The following SCN7A variants were observed in gnomAD, a reference collection of about 807,000 sequenced individuals.
SCN7A encodes sodium voltage-gated channel alpha subunit 7, also known as sodium channel protein type 7 subunit alpha.
In SCN7A, 138 loss-of-function variants were observed where a neutral mutation model predicts 155.2. The ratio of observed to expected loss-of-function variants is 0.89; its 90% CI spans 0.77 to 1.02. SCN7A has a LOEUF of 1.02. Among genes scored for constraint, SCN7A ranks in the 50% least tolerant of loss-of-function variants. SCN7A has a pLI of 0.00. For missense variants in SCN7A, 2,058 were observed against 1,986.6 expected, an observed-to-expected ratio of 1.04 and a Z score of -0.68; for synonymous variants, 693 against 649.0, an observed-to-expected ratio of 1.07 and a Z score of -1.03.
At chr2:166,414,000 TATAA>T (rs1553513542) in intron 21 of SCN7A, among the ~76,000 whole-genome samples, 3 of 100,158 alleles carry the variant, frequency 3.0e-5, no homozygotes, top group East Asian at 2.5e-4. Context: ...TATATATATA[TATAA>T]ATATACTATA....
In SCN7A at chr2:166,409,767, A is replaced by T; in HGVS notation, c.3880T>A (p.Tyr1294Asn). The T allele has an allele frequency of 6.4e-7, 1 of 1,564,396 alleles. No individual in the cohort carries two copies. The highest frequency in any genetic ancestry group is 1.4e-5 in the African/African-American group (1 of 73,914). ...AGCTTCAGTATACATTCCATAGTAT[A>T]TAGCATAACAAAAATTGAGTTAATC... ...YWINSIFVML[Y>N]TMECILKLIA... Residue 1294 changes from tyrosine to asparagine, a missense_variant, in exon 25 of 26, where the codon TAT (tyrosine) becomes AAT (asparagine). Coordinates refer to ENST00000643258, the MANE Select transcript of SCN7A (RefSeq NM_002976.4).
intron 20 of SCN7A, among the ~76,000 whole-genome samples, chr2:166,420,776 T>G (rs901008715): frequency 1.8e-4 from 27 of 152,136 alleles, no homozygotes; most frequent in African/African-American, 6.5e-4. Flanking sequence ...AAATTCAAAC[T>G]TTTCTTTCAT....
In SCN7A at chr2:166,432,653, C is replaced by T; in HGVS notation, c.2257G>A (p.Ala753Thr). 6.2e-7 allele frequency: 1 copy of T among 1,608,884 alleles called. No individual in the cohort carries two copies. Among genetic ancestry groups the T allele is most frequent in the South Asian group, 1.1e-5 (1 of 89,888 alleles). The change falls in exon 16 of 26, where the codon GCA becomes ACA. Residue 753 changes from alanine (A) to threonine (T), a missense_variant. Physicochemically the swap from Ala to Thr is moderately conservative, Grantham distance 58 (BLOSUM62 0). Transcript: ENST00000643258. Reference protein sequence around the residue: ...NEAKNLQLAVARIKKGINYVL... With the variant: ...NEAKNLQLAVTRIKKGINYVL... ...TAGTTTATTCCTTTTTTAATTCTTG[C>T]CACTGCAAGCTGGAGATTTTTTGCT...
rs1701387228 is a variant in SCN7A, at chr2:166,416,788, C to G, written c.3333G>C (p.Leu1111=). The G allele has an allele frequency of 1.9e-6, 3 of 1,613,300 alleles. No homozygotes were observed. Residue 1111 remains leucine, a synonymous_variant, in exon 21 of 26, where the codon CTG becomes CTC. Transcript: ENST00000643258. ...TTTCCCATAGCATGGATTCGTTAAACAGAAGGCTTTCACACCGACTCTTAT... is the reference window on the plus strand; with the variant it reads ...TTTCCCATAGCATGGATTCGTTAAAGAGAAGGCTTTCACACCGACTCTTAT... ...VMNKSRCESL[L]FNESMLWENA... is the part of the protein sequence containing the mutation.
chr2:166,469,858 A>C (rs1437087080), intron 7 of SCN7A, among the ~76,000 whole-genome samples: 1 of 151,906 alleles, frequency 6.6e-6, no homozygotes, highest in South Asian at 2.1e-4. Context: ...TCAATAGCTT[A>C]ATGTGTACAA....
Position 166,405,533 on chromosome 2 carries a change from C to T in SCN7A, c.*47G>A, listed in dbSNP as rs755753413. 4 of 1,368,774 alleles carry T rather than the reference C, an allele frequency of 2.9e-6. No homozygotes were observed. The highest frequency in any genetic ancestry group is 4.0e-6 in the Non-Finnish European group (4 of 1,007,102). The allele number at this position is 1,368,774 out of a possible 1,614,324, so 84.8% of individuals were successfully genotyped here. On this transcript the variant is annotated 3_prime_UTR_variant, in exon 26 of 26. Coordinates refer to ENST00000643258, the MANE Select transcript of SCN7A (RefSeq NM_002976.4). ...TTTTATTCCTGGCTTAGGCTTTCAA[C>T]ATTTTTCAGATATGTGAAGAAATAT...
intron 9 of SCN7A, among the ~76,000 whole-genome samples, chr2:166,463,988 A>T (rs767113836): frequency 2.6e-5 from 4 of 152,070 alleles, no homozygotes; most frequent in Non-Finnish European, 5.9e-5. Flanking sequence ...CCCATGAGGC[A>T]GAGGTTACAA....
intron 5 of SCN7A, among the ~76,000 whole-genome samples, chr2:166,472,804 G>T (rs998582363): frequency 6.6e-6 from 1 of 151,404 alleles, no homozygotes; most frequent in Admixed American, 6.6e-5. Flanking sequence ...CTCCAGCTTT[G>T]TTTTTTTTGC....
chr2:166,485,347 G>C (rs150624143), intron 2 of SCN7A, among the ~76,000 whole-genome samples: 1 of 152,204 alleles, frequency 6.6e-6, no homozygotes, highest in Non-Finnish European at 1.5e-5. Context: ...TTGAGGGAAG[G>C]AACAGTCTAA....
chr2:166,462,621 T>A, intron 9 of SCN7A, 91 bp from the exon 10 acceptor site: 3 of 1,226,618 alleles, frequency 2.4e-6, no homozygotes, highest in Non-Finnish European at 3.4e-6. Flanking sequence ...TCCTGAGTAA[T>A]AGAGAACTCA....
At chr2:166,481,810 A>G (rs1166312604) in intron 2 of SCN7A, among the ~76,000 whole-genome samples, 2 of 152,218 alleles carry the variant, frequency 1.3e-5, no homozygotes, top group Admixed American at 6.5e-5. Flanking sequence ...CAATCTTACT[A>G]TTTCCAAGTA....
chr2:166,461,048 CT>C (rs34717897), intron 10 of SCN7A, among the ~76,000 whole-genome samples: 6,771 of 96,544 alleles, frequency 0.07, 303 homozygotes, highest in East Asian at 0.25. Flanking sequence ...GTAATATTTT[CT>C]TTTTTTTTTT....
intron 12 of SCN7A, among the ~76,000 whole-genome samples, chr2:166,446,698 G>T (rs1338397567): frequency 6.6e-6 from 1 of 152,134 alleles, no homozygotes; most frequent in Admixed American, 6.6e-5. Flanking sequence ...CCATAAAAAA[G>T]AATGAGTTTA....
chr2:166,429,226 T>C lies in SCN7A; in HGVS notation c.2641A>G (p.Ile881Val), dbSNP rs1242729057. ...SSECSTVDIA[I>V]SEEEEMFYGG... ...TAGAACATTTCTTCTTCTTCAGAGA[T>C]AGCAATATCAACAGTACTGCATTCA... The change falls in exon 17 of 26, where the codon ATC becomes GTC. Residue 881 changes from isoleucine (I) to valine (V), a missense_variant. Coordinates refer to ENST00000643258, the MANE Select transcript of SCN7A (RefSeq NM_002976.4). The C allele has an allele frequency of 6.5e-7, 1 of 1,548,698 alleles. No homozygotes were observed. The highest frequency in any genetic ancestry group is 2.4e-5 in the East Asian group (1 of 41,518).
intron 11 of SCN7A, among the ~76,000 whole-genome samples, chr2:166,450,818 GA>G (rs919797850): frequency 6.6e-6 from 1 of 152,204 alleles, no homozygotes; most frequent in African/African-American, 2.4e-5. Context: ...GTAAGGGTTA[GA>G]TTTTTTTTGT....
At chr2:166,454,133 C>T (rs1702230425) in intron 11 of SCN7A, among the ~76,000 whole-genome samples, 1 of 152,086 alleles carries the variant, frequency 6.6e-6, no homozygotes, top group African/African-American at 2.4e-5. Context: ...AGTATTGTTA[C>T]ATTCTTGGAT....
Position 166,472,397 on chromosome 2 carries a change from A to G in SCN7A, c.492T>C (p.Phe164=). The change falls in exon 6 of 26, where the codon TTT becomes TTC. Residue 164 remains phenylalanine (F), a synonymous_variant. Transcript: ENST00000643258. ...IYTFEILVKL[F]ARGVWAGSFS... ...ATGATCCTGCCCAGACACCTCTTGCAAAGAGTTTTACAAGTATTTCAAATG... is the reference window on the plus strand; with the variant it reads ...ATGATCCTGCCCAGACACCTCTTGCGAAGAGTTTTACAAGTATTTCAAATG... The G allele has an allele frequency of 6.2e-7, 1 of 1,607,656 alleles. No homozygotes were observed. Among genetic ancestry groups the G allele is most frequent in the East Asian group, 2.2e-5 (1 of 44,752 alleles).
intron 9 of SCN7A, among the ~76,000 whole-genome samples, chr2:166,464,612 CT>C (rs1702487088): frequency 6.6e-6 from 1 of 152,020 alleles, no homozygotes. Flanking sequence ...ATCAGCGTAT[CT>C]TTTTAATTTT....
At chr2:166,470,462 G>A (rs1702628516) in intron 7 of SCN7A, among the ~76,000 whole-genome samples, 153 bp downstream of exon 7, 1 of 151,582 alleles carries the variant, frequency 6.6e-6, no homozygotes, top group South Asian at 2.1e-4. Context: ...TCTCTTTCCT[G>A]GAGTGACATA....
Sources: allele counts gnomAD v4.1 joint callset (sites outside exome capture counted in the v4.1 genomes callset), GRCh38; gene constraint gnomAD v4.1.1; transcripts MANE v1.5; gene names NCBI Gene and HGNC (gene_info 2026-07-23, HGNC 2026-07-21).